DEAF1: variants seen among roughly 807,000 people sequenced by gnomAD.
The protein encoded by DEAF1 is deformed epidermal autoregulatory factor 1 homolog.
A neutral mutation model predicts 58.9 loss-of-function variants in DEAF1; 53 were observed. The observed-to-expected ratio is 0.90, with a 90% CI of 0.72 to 1.13. DEAF1 has a LOEUF of 1.13. Among genes scored for constraint, DEAF1 ranks in the 50% most tolerant of loss-of-function variants. The probability of loss-of-function intolerance (pLI) is 0.00; values close to 1 mark genes in which losing one functional copy is unlikely to be tolerated. For synonymous variants in DEAF1, 385 were observed against 340.4 expected (o/e 1.13, Z -1.44); for missense variants, 685 against 791.4 (o/e 0.87, Z 1.61).
intron 10 of DEAF1, among the ~76,000 whole-genome samples, chr11:662,563 G>A (rs1445808908): frequency 6.6e-6 from 1 of 152,158 alleles, no homozygotes; most frequent in African/African-American, 2.4e-5. Context: ...GCTCCTGGAG[G>A]TTGCTCCGCG....
intron 10 of DEAF1, among the ~76,000 whole-genome samples, chr11:657,629 C>T (rs969069159): frequency 6.6e-6 from 1 of 152,208 alleles, no homozygotes; most frequent in Non-Finnish European, 1.5e-5. Context: ...CACCTACAGA[C>T]ACCTGACTCT....
In DEAF1 at chr11:648,240, G is replaced by A. The variant is rs2133272041; in HGVS notation, c.1594-3586C>T. 2.1e-5 allele frequency among the ~76,000 whole-genome samples: 3 copies of A among 144,366 alleles called. No individual in the cohort carries two copies. In the East Asian group the frequency reaches 6.1e-4, roughly 29 times the overall value. The allele number at this position is 144,366 out of a possible 152,430, so 94.7% of individuals were successfully genotyped here. On this transcript the variant is annotated intron_variant, in intron 11 of 11. Coordinates refer to ENST00000382409, the MANE Select transcript of DEAF1 (RefSeq NM_021008.4). ...GACGGAGTCTCCCTTTGTCTCCCAGGCTGGAGTGCTGTGGCACGATCTCGG... is the reference window on the plus strand; with the variant it reads ...GACGGAGTCTCCCTTTGTCTCCCAGACTGGAGTGCTGTGGCACGATCTCGG...
chr11:688,216 T>C lies in DEAF1; in HGVS notation c.517+115A>G. On this transcript the variant is annotated intron_variant, in intron 3 of 11. Coordinates refer to ENST00000382409, the MANE Select transcript of DEAF1 (RefSeq NM_021008.4). This position sits in a 1 kb window ranked among gnomAD's most constrained non-coding sequence, Gnocchi z 4.3. ...AATGCTTTTACTTAAAATCTATTAA[T>C]AGATGATATTCCAAATTTACCACAA... 11 of 1,515,732 alleles carry C rather than the reference T, an allele frequency of 7.3e-6. No individual in the cohort carries two copies. Among genetic ancestry groups the C allele is most frequent in the Non-Finnish European group, 8.9e-6 (10 of 1,119,128 alleles). 93.9% of individuals were successfully genotyped at this position (1,515,732 alleles called of 1,614,324 possible). A position where few individuals can be genotyped will look rare whatever the true frequency, so the allele number is the denominator to read the frequency against.
At chr11:645,067 G>T (rs56213935) in intron 11 of DEAF1, among the ~76,000 whole-genome samples, 1,928 of 151,346 alleles carry the variant, frequency 0.013, 14 homozygotes, top group Non-Finnish European at 0.017. Context: ...GGAAGCTGAG[G>T]CAGGAGAACT....
intron 11 of DEAF1, among the ~76,000 whole-genome samples, chr11:652,195 T>C (rs1428283116): frequency 6.6e-6 from 1 of 152,212 alleles, no homozygotes; most frequent in Admixed American, 6.5e-5. Flanking sequence ...TAAAGGTACA[T>C]TTAAGAAATC....
intron 2 of DEAF1, chr11:689,769 T>C (rs1860750707): frequency 6.6e-6 from 1 of 152,186 alleles, no homozygotes; most frequent in African/African-American, 2.4e-5. Flanking sequence ...CCCGCTTTGT[T>C]GTCAGTTTCC....
chr11:667,753 G>A (rs566475308), intron 10 of DEAF1, among the ~76,000 whole-genome samples: 4 of 152,016 alleles, frequency 2.6e-5, no homozygotes, highest in Non-Finnish European at 2.9e-5. Flanking sequence ...AGGTTGCAGC[G>A]AACCGAGATG....
chr11:703,885 C>T (rs1590040641), intron 1 of DEAF1: 2 of 1,240,190 alleles, frequency 1.6e-6, no homozygotes, highest in East Asian at 6.3e-5. Flanking sequence ...GAGCCTCCGT[C>T]CACTCCAGTT....
chr11:691,577 G>C lies in DEAF1; in HGVS notation c.311C>G (p.Ala104Gly). 6.2e-7 allele frequency: 1 copy of C among 1,613,622 alleles called. No individual in the cohort carries two copies. The highest frequency in any genetic ancestry group is 8.5e-7 in the Non-Finnish European group (1 of 1,179,962). Residue 104 changes from alanine (A) to glycine (G), a missense_variant, in exon 2 of 12, where the codon GCC becomes GGC. By Grantham distance (60) the Ala-to-Gly change is moderately conservative. This residue lies in a region of DEAF1 where 210 missense variants were observed against 177.3 expected (regional missense o/e 1.18). Coordinates refer to ENST00000382409, the MANE Select transcript of DEAF1 (RefSeq NM_021008.4). The part of the protein sequence containing the change: ...AFAEVTTVTV[A>G]NVGAAADNVF... ...ATTGTCTGCAGCAGCCCCCACGTTGGCCACTGTCACTGTGGTCACCTCTGC... is the reference window on the plus strand; with the variant it reads ...ATTGTCTGCAGCAGCCCCCACGTTGCCCACTGTCACTGTGGTCACCTCTGC...
At chr11:648,222 T>A (rs1305155175) in intron 11 of DEAF1, among the ~76,000 whole-genome samples, 1 of 137,558 alleles carries the variant, frequency 7.3e-6, no homozygotes, top group Non-Finnish European at 1.5e-5. Context: ...TGAGACGGAG[T>A]CTCCCTTTGT....
intron 5 of DEAF1, among the ~76,000 whole-genome samples, chr11:686,049 G>A (rs914499575): frequency 1.3e-5 from 2 of 151,388 alleles, no homozygotes; most frequent in Non-Finnish European, 1.5e-5. Flanking sequence ...TTGGGAGGCC[G>A]AGGCAGGCAG....
At chr11:697,016 G>GC (rs796824918), upstream of DEAF1, among the ~76,000 whole-genome samples, 1 of 148,486 alleles carries the variant, frequency 6.7e-6, no homozygotes, top group African/African-American at 2.5e-5. Context: ...TGGTGGTGGT[G>GC]GGGGGGGTGG....
At chr11:678,652 G>A in intron 9 of DEAF1, 42 bp downstream of exon 9, 1 of 1,613,070 alleles carries the variant, frequency 6.2e-7, no homozygotes, top group Non-Finnish European at 8.5e-7. Context: ...AAGCAATTCT[G>A]AGGACAATAA....
intron 9 of DEAF1, chr11:678,439 G>A (rs939736890): frequency 1.6e-5 from 7 of 438,308 alleles, no homozygotes; most frequent in Non-Finnish European, 3.0e-5. Context: ...CAGGCCAACT[G>A]GTTTCTAGGG....
At chr11:662,283 A>G (rs1005061828) in intron 10 of DEAF1, among the ~76,000 whole-genome samples, 3 of 152,202 alleles carry the variant, frequency 2.0e-5, no homozygotes, top group Non-Finnish European at 4.4e-5. Flanking sequence ...ATTCCGTCTC[A>G]TAAAACAAAA....
At chr11:661,667 A>C (rs1044628783) in intron 10 of DEAF1, among the ~76,000 whole-genome samples, 1 of 152,046 alleles carries the variant, frequency 6.6e-6, no homozygotes, top group Non-Finnish European at 1.5e-5. Flanking sequence ...CTGAGATCGC[A>C]CCACTGCACT....
In DEAF1 at chr11:674,780, AACACT is replaced by A. The variant is rs1463816273; in HGVS notation, c.1256-2_1258del. 1.9e-6 allele frequency: 3 copies of A among 1,611,436 alleles called. No individual in the cohort carries two copies. Among genetic ancestry groups the A allele is most frequent in the Non-Finnish European group, 2.5e-6 (3 of 1,180,034 alleles). On this transcript the variant is annotated splice_acceptor_variant and coding_sequence_variant, in exon 10 of 12. Transcript: ENST00000382409. LOFTEE classifies it high-confidence loss of function. ...GACCGCCAGCGCAGGCAGGGATGTC[AACACT>A]AGAGCATTTGGAAAGCAAAACAAAC...
intron 8 of DEAF1, 54 bp downstream of exon 8, chr11:679,634 G>A: frequency 1.2e-6 from 2 of 1,603,290 alleles, no homozygotes; most frequent in South Asian, 1.1e-5. Flanking sequence ...GGGATGTGAT[G>A]TCACAGACAG....
chr11:654,387 G>A (rs1215803619), intron 10 of DEAF1, among the ~76,000 whole-genome samples: 1 of 150,922 alleles, frequency 6.6e-6, no homozygotes, highest in Admixed American at 6.6e-5. Context: ...GGCTGGTCTT[G>A]AACCTCTGAC....
Sources: allele counts gnomAD v4.1 joint callset (sites outside exome capture counted in the v4.1 genomes callset), GRCh38; gene constraint gnomAD v4.1.1; regional missense constraint gnomAD v4.1.1; non-coding constraint Gnocchi (gnomAD v3.1); transcripts MANE v1.5; gene names NCBI Gene and HGNC (gene_info 2026-07-23, HGNC 2026-07-21).